Variants in XRRA1 observed in about 807,000 individuals in gnomAD.
XRRA1 encodes the protein X-ray radiation resistance-associated protein 1.
Under a neutral mutation model 80.2 loss-of-function variants are expected in XRRA1, and 69 were observed. That is an observed-to-expected ratio of 0.86 (90% CI 0.71 to 1.05). The LOEUF (loss-of-function observed/expected upper bound fraction) is 1.05. Ranked by LOEUF, XRRA1 falls within the 50% of genes least tolerant of loss-of-function variation. The pLI, the probability that XRRA1 is intolerant of heterozygous loss-of-function variation, is 0.00. For synonymous variants in XRRA1, 348 were observed against 389.9 expected (o/e 0.89, Z 1.27); for missense variants, 967 against 976.4 (o/e 0.99, Z 0.13).
intron 3 of XRRA1, among the ~76,000 whole-genome samples, chr11:74,937,603 T>TCA (rs1800393935): frequency 6.6e-6 from 1 of 150,448 alleles, no homozygotes; most frequent in Admixed American, 6.6e-5. Flanking sequence ...ACAGATGGCA[T>TCA]TAAAAAAAAA....
At chr11:74,920,776 C>CA (rs1940492877) in intron 8 of XRRA1, among the ~76,000 whole-genome samples, 1 of 152,186 alleles carries the variant, frequency 6.6e-6, no homozygotes, top group Admixed American at 6.5e-5. Flanking sequence ...AGTTAACATA[C>CA]ATAATGCCGA....
chr11:74,924,473 CAAA>C (rs113377290), intron 7 of XRRA1, among the ~76,000 whole-genome samples: 2 of 96,084 alleles, frequency 2.1e-5, no homozygotes, highest in Admixed American at 1.1e-4. Context: ...AACTCCGTCT[CAAA>C]AAAAAAAAAA....
intron 3 of XRRA1, among the ~76,000 whole-genome samples, chr11:74,939,642 A>C (rs1428499329): frequency 6.6e-6 from 1 of 152,194 alleles, no homozygotes; most frequent in Non-Finnish European, 1.5e-5. Context: ...CTATTTCTCC[A>C]AGAAGCCCAT....
At chr11:74,920,921 G>GACTT (rs1940548275) in intron 8 of XRRA1, among the ~76,000 whole-genome samples, 1 of 152,222 alleles carries the variant, frequency 6.6e-6, no homozygotes, top group African/African-American at 2.4e-5. Context: ...CCAGGGAACA[G>GACTT]ACTTACTGAG....
At chr11:74,919,836 A>G in intron 8 of XRRA1, 1 of 418,162 alleles carries the variant, frequency 2.4e-6, no homozygotes, top group Non-Finnish European at 4.5e-6. Flanking sequence ...TCCCATGCCG[A>G]ATCCATGTGC....
chr11:74,868,293 A>C (rs531532782), intron 10 of XRRA1, among the ~76,000 whole-genome samples: 2 of 152,314 alleles, frequency 1.3e-5, no homozygotes, highest in South Asian at 4.1e-4. Flanking sequence ...AGTGAAGGAG[A>C]AATAAGATCC....
intron 11 of XRRA1, among the ~76,000 whole-genome samples, chr11:74,862,610 G>A (rs1025656297): frequency 2.6e-5 from 4 of 152,212 alleles, no homozygotes; most frequent in Non-Finnish European, 5.9e-5. Context: ...AGCTTTGGGG[G>A]ACTCTTGTTA....
At chr11:74,844,917 G>C (rs983437052) in intron 16 of XRRA1, among the ~76,000 whole-genome samples, 156 bp downstream of exon 16, 3 of 152,242 alleles carry the variant, frequency 2.0e-5, no homozygotes, top group Non-Finnish European at 4.4e-5. Flanking sequence ...TTCAAACAAA[G>C]GACACCCTAA....
At chr11:74,896,176 T>C (rs575179030) in intron 10 of XRRA1, among the ~76,000 whole-genome samples, 5 of 152,368 alleles carry the variant, frequency 3.3e-5, no homozygotes, top group East Asian at 3.9e-4. Context: ...TCTTGCACCA[T>C]TGGCACTGGC....
chr11:74,866,124 G>A (rs2043337200), intron 10 of XRRA1, among the ~76,000 whole-genome samples: 1 of 152,158 alleles, frequency 6.6e-6, no homozygotes, highest in East Asian at 1.9e-4. Context: ...GGAATATTCA[G>A]GGAAATATGA....
chr11:74,877,527 A>G (rs1391011917), intron 10 of XRRA1, among the ~76,000 whole-genome samples: 2 of 151,716 alleles, frequency 1.3e-5, no homozygotes, highest in African/African-American at 4.8e-5. Flanking sequence ...TTAGTTACAT[A>G]TGTATACATG....
At chr11:74,923,476 C>T (rs1429983854) in intron 7 of XRRA1, among the ~76,000 whole-genome samples, 1 of 152,090 alleles carries the variant, frequency 6.6e-6, no homozygotes, top group African/African-American at 2.4e-5. Context: ...GAACATTCTC[C>T]CCTCATACTC....
chr11:74,897,266 G>A (rs183268908), intron 10 of XRRA1, among the ~76,000 whole-genome samples: 23 of 151,922 alleles, frequency 1.5e-4, no homozygotes, highest in African/African-American at 5.3e-4. Flanking sequence ...GAGCAGAAAG[G>A]ATCAAGCAGA....
At chr11:74,868,984 T>C (rs893846106) in intron 10 of XRRA1, among the ~76,000 whole-genome samples, 1 of 152,148 alleles carries the variant, frequency 6.6e-6, no homozygotes, top group Non-Finnish European at 1.5e-5. Flanking sequence ...AACTCAATAC[T>C]TGACCATATG....
intron 11 of XRRA1, among the ~76,000 whole-genome samples, chr11:74,860,247 G>A (rs1020759307): frequency 5.9e-5 from 9 of 152,188 alleles, no homozygotes; most frequent in Admixed American, 1.3e-4. Flanking sequence ...AAAAACCAGC[G>A]ACTGTGTTTG....
In XRRA1 at chr11:74,851,393, A is replaced by G. The variant is rs1321939797; in HGVS notation, c.1265-190T>C. Among the ~76,000 whole-genome samples, 5 of 152,280 alleles carry G rather than the reference A, an allele frequency of 3.3e-5. No homozygotes were observed. The South Asian group carries it at 8.3e-4, about 25-fold the overall frequency. On this transcript the variant is annotated intron_variant, in intron 13 of 18. Coordinates refer to ENST00000684022, the MANE Select transcript of XRRA1 (RefSeq NM_001378157.1). ...CTACCATTATTCCCATTCAATAGGCAAGGAAACTGAGGCACAGAGAGGCTA... is the reference window on the plus strand; with the variant it reads ...CTACCATTATTCCCATTCAATAGGCGAGGAAACTGAGGCACAGAGAGGCTA...
intron 11 of XRRA1, 124 bp downstream of exon 11, chr11:74,862,857 T>G: frequency 1.1e-6 from 1 of 871,894 alleles, no homozygotes; most frequent in Non-Finnish European, 1.8e-6. Flanking sequence ...ACCTATTCAA[T>G]GAATGGGCTT....
At chr11:74,938,485 C>A (rs935293145) in intron 3 of XRRA1, among the ~76,000 whole-genome samples, 1 of 152,150 alleles carries the variant, frequency 6.6e-6, no homozygotes, top group Non-Finnish European at 1.5e-5. Flanking sequence ...ATGCAAATAT[C>A]CTGTTTCTCA....
At chr11:74,889,467 T>C (rs372502025) in intron 10 of XRRA1, among the ~76,000 whole-genome samples, 4 of 152,242 alleles carry the variant, frequency 2.6e-5, no homozygotes, top group Non-Finnish European at 1.5e-5. Context: ...TTGTAAAGAC[T>C]ATCGAGGCTA....
Sources: allele counts gnomAD v4.1 joint callset (sites outside exome capture counted in the v4.1 genomes callset), GRCh38; gene constraint gnomAD v4.1.1; transcripts MANE v1.5; gene names NCBI Gene and HGNC (gene_info 2026-07-23, HGNC 2026-07-21).